Variants in SFRP2 observed in about 807,000 individuals in gnomAD.
SFRP2 encodes secreted frizzled related protein 2, also known as secreted frizzled-related protein 2.
Under a neutral mutation model 26.0 loss-of-function variants are expected in SFRP2, and 16 were observed. The observed-to-expected ratio is 0.61, with a 90% confidence interval of 0.42 to 0.93. The LOEUF (loss-of-function observed/expected upper bound fraction) is 0.93, where lower values mean the gene tolerates loss of function less well. Ranked by LOEUF, SFRP2 falls within the 40% of genes least tolerant of loss-of-function variation. The probability of loss-of-function intolerance (pLI) is 0.00; values close to 1 mark genes in which losing one functional copy is unlikely to be tolerated. For synonymous variants in SFRP2, 173 were observed against 167.3 expected, an observed-to-expected ratio of 1.03 and a Z score of -0.26; for missense variants, 343 against 392.4, an observed-to-expected ratio of 0.87 and a Z score of 1.06.
intron 2 of SFRP2, among the ~76,000 whole-genome samples, chr4:153,782,564 G>A (rs375874248): frequency 6.6e-6 from 1 of 152,154 alleles, no homozygotes; most frequent in East Asian, 1.9e-4. Context: ...CCCTACAAAC[G>A]TGTATGCTGG....
At chr4:153,786,853 G>A (rs11933560) in intron 1 of SFRP2, among the ~76,000 whole-genome samples, 148,873 of 151,090 alleles carry the variant, frequency 0.99, 73,370 homozygotes, top group Middle Eastern at 1. Flanking sequence ...TTTCTTGGGA[G>A]AAGTAAAAAA....
At chr4:153,784,016 C>T (rs1741161807) in intron 2 of SFRP2, among the ~76,000 whole-genome samples, 1 of 152,134 alleles carries the variant, frequency 6.6e-6, no homozygotes, top group Non-Finnish European at 1.5e-5. Context: ...TGTTTTGGCT[C>T]ATGTCTTGAT....
rs1448679818 is a variant in SFRP2, at chr4:153,788,485, G to C, written c.351C>G (p.Leu117=). The stretch of plus-strand genomic sequence containing the variant: ...CGCAGCGGTCCTTCACCTGCACGCA[G>C]AGCGAGTGGCATGGCTGGATGGTCT... ...LDETIQPCHS[L]CVQVKDRCAP... is the part of the protein sequence containing the mutation. Residue 117 remains leucine, a synonymous_variant, in exon 1 of 3, where the codon CTC becomes CTG. Transcript: ENST00000274063. 2 of 1,614,134 alleles carry C rather than the reference G, an allele frequency of 1.2e-6. No homozygotes were observed. Among genetic ancestry groups the C allele is most frequent in the African/African-American group, 2.7e-5 (2 of 74,954 alleles).
chr4:153,786,536 A>G (rs1025935681), intron 1 of SFRP2, among the ~76,000 whole-genome samples: 7 of 152,124 alleles, frequency 4.6e-5, no homozygotes, highest in Admixed American at 2.6e-4. Flanking sequence ...GGCTGTTTCC[A>G]CCTTGAAAAC....
rs1741119778 is a variant in SFRP2 at position 153,781,436 on chromosome 4, A to G, written c.*15T>C. On this transcript the variant is annotated 3_prime_UTR_variant, in exon 3 of 3. Transcript: ENST00000274063. ...GCTCTGGAGCAGGCCTGTCGGAGCC[A>G]TCAGGATGCCGGGACTAGCACTGCA... 6.2e-7 allele frequency: 1 copy of G among 1,605,582 alleles called. No individual in the cohort carries two copies. The highest frequency in any genetic ancestry group is 1.3e-5 in the African/African-American group (1 of 74,990).
At chr4:153,782,167 C>T (rs1294437096) in intron 2 of SFRP2, among the ~76,000 whole-genome samples, 2 of 152,152 alleles carry the variant, frequency 1.3e-5, no homozygotes, top group Non-Finnish European at 2.9e-5. Flanking sequence ...CCCTCTGTGG[C>T]CGTAAAGTTT....
chr4:153,788,664 T>C lies in SFRP2; in HGVS notation c.172A>G (p.Met58Val), dbSNP rs1480499370. ...TGGCCCAGCAGGTTGGGCAGCCGCA[T>C]GTTCTGGTATTCGATGCCGTGGCAC... ...QLCHGIEYQN[M>V]RLPNLLGHET... The change falls in exon 1 of 3, where the codon ATG becomes GTG. Residue 58 changes from methionine to valine, a missense_variant. Physicochemically the swap from Met to Val is conservative, Grantham distance 21. Transcript: ENST00000274063. 6.2e-7 allele frequency: 1 copy of C among 1,613,962 alleles called. No individual in the cohort carries two copies. The highest frequency in any genetic ancestry group is 8.5e-7 in the Non-Finnish European group (1 of 1,180,022).
Position 153,788,480 on chromosome 4 carries a change from A to G in SFRP2, c.356T>C (p.Val119Ala), listed in dbSNP as rs1405447492. 4 of 1,614,226 alleles carry G rather than the reference A, an allele frequency of 2.5e-6. No individual in the cohort carries two copies. The East Asian group carries it at 8.9e-5, about 36-fold the overall frequency. ...ETIQPCHSLC[V>A]QVKDRCAPVM... Reference sequence around the variant, plus strand: ...CGGGGCGCAGCGGTCCTTCACCTGCACGCAGAGCGAGTGGCATGGCTGGAT... The same window carrying G: ...CGGGGCGCAGCGGTCCTTCACCTGCGCGCAGAGCGAGTGGCATGGCTGGAT... Residue 119 changes from valine to alanine, a missense_variant, in exon 1 of 3, where the codon GTG becomes GCG. Val to Ala is a moderately conservative substitution (Grantham distance 64). Coordinates refer to ENST00000274063, the MANE Select transcript of SFRP2 (RefSeq NM_003013.3).
In SFRP2 at chr4:153,788,417, A is replaced by C. The variant is rs758949251; in HGVS notation, c.419T>G (p.Leu140Arg). 1.2e-6 allele frequency: 2 copies of C among 1,614,118 alleles called. No homozygotes were observed. Among genetic ancestry groups the C allele is most frequent in the South Asian group, 2.2e-5 (2 of 91,088 alleles). Reference sequence around the variant, plus strand: ...GTCCTGGGGGAAACGGTCGCACTCAAGCATGTCGGGCCAGGGGAAGCCGAA... The same window carrying C: ...GTCCTGGGGGAAACGGTCGCACTCACGCATGTCGGGCCAGGGGAAGCCGAA... ...SAFGFPWPDM[L>R]ECDRFPQDND... The change falls in exon 1 of 3, where the codon CTT becomes CGT. Residue 140 changes from leucine (L) to arginine (R), a missense_variant. Coordinates refer to ENST00000274063, the MANE Select transcript of SFRP2 (RefSeq NM_003013.3).
In SFRP2 at chr4:153,788,559, T is replaced by A; in HGVS notation, c.277A>T (p.Lys93Ter). The change falls in exon 1 of 3, where the codon AAG becomes TAG. Residue 93 changes from lysine (K) to a stop codon, truncating the protein, a stop_gained. Transcript: ENST00000274063. LOFTEE classifies it high-confidence loss of function. ...GGGGCGAAGAGCGAGCACAGGAACTTCTTGGTGTCCGGGTGGCACTGCTTC... is the reference window on the plus strand; with the variant it reads ...GGGGCGAAGAGCGAGCACAGGAACTACTTGGTGTCCGGGTGGCACTGCTTC... ...VMKQCHPDTK[K>*]FLCSLFAPVC... 6.2e-7 allele frequency: 1 copy of A among 1,614,058 alleles called. No individual in the cohort carries two copies. The highest frequency in any genetic ancestry group is 1.1e-5 in the South Asian group (1 of 91,076).
At position 153,780,946 on chromosome 4, in the gene SFRP2, A is replaced by G. The variant is rs1741108582; in HGVS notation, c.*505T>C. On this transcript the variant is annotated 3_prime_UTR_variant, in exon 3 of 3. Coordinates refer to ENST00000274063, the MANE Select transcript of SFRP2 (RefSeq NM_003013.3). The stretch of plus-strand genomic sequence containing the variant: ...AATGATGAATTGTTGTAAGACTTAG[A>G]CACTGAGTCTCAGTCTGGAGCTGAT... 6.4e-6 allele frequency: 1 copy of G among 157,410 alleles called. No homozygotes were observed. Among genetic ancestry groups the G allele is most frequent in the Non-Finnish European group, 1.4e-5 (1 of 71,054 alleles). The allele number at this position is 157,410 out of a possible 1,614,324, so 9.8% of individuals were successfully genotyped here.
intron 2 of SFRP2, among the ~76,000 whole-genome samples, chr4:153,782,933 T>C (rs1004837875): frequency 2.6e-5 from 4 of 152,192 alleles, no homozygotes; most frequent in Middle Eastern, 3.4e-3. Context: ...TTTAAATTAG[T>C]AATAGAGGAA....
At position 153,781,836 on chromosome 4, in the gene SFRP2, G is replaced by C. The variant is rs1741126803; in HGVS notation, c.584-81C>G. The C allele has an allele frequency of 2.4e-6, 3 of 1,271,266 alleles. No individual in the cohort carries two copies. In the South Asian group the frequency reaches 4.0e-5, roughly 17 times the overall value. 78.7% of individuals were successfully genotyped at this position (1,271,266 alleles called of 1,614,324 possible). A position where few individuals can be genotyped will look rare whatever the true frequency, so the allele number is the denominator to read the frequency against. On this transcript the variant is annotated intron_variant, in intron 2 of 2. Coordinates refer to ENST00000274063, the MANE Select transcript of SFRP2 (RefSeq NM_003013.3). The stretch of plus-strand genomic sequence containing the variant: ...CTCCCCCCATTCTGCCAACTCGTGT[G>C]ACTTGGCCTGGATGAGGAAAGAGAG...
rs763124627 is a variant in SFRP2 at position 153,788,885 on chromosome 4, C to T, written c.-50G>A. 2.3e-5 allele frequency: 35 copies of T among 1,491,628 alleles called. No homozygotes were observed. The highest frequency in any genetic ancestry group is 3.0e-5 in the Non-Finnish European group (34 of 1,125,656). The allele number at this position is 1,491,628 out of a possible 1,614,324, so 92.4% of individuals were successfully genotyped here. A position where few individuals can be genotyped will look rare whatever the true frequency, so the allele number is the denominator to read the frequency against. On this transcript the variant is annotated 5_prime_UTR_variant, in exon 1 of 3. Coordinates refer to ENST00000274063, the MANE Select transcript of SFRP2 (RefSeq NM_003013.3). ...CAGAGGGAGCGGAGCCGGGGAAGGG[C>T]GAGGCGGCCGGAGTTCGAGCTTGTC...
Position 153,781,717 on chromosome 4 carries a change from G to A in SFRP2, c.622C>T (p.Arg208Ter), listed in dbSNP as rs763381743. The A allele has an allele frequency of 6.2e-7, 1 of 1,614,056 alleles. No homozygotes were observed. Among genetic ancestry groups the A allele is most frequent in the African/African-American group, 1.3e-5 (1 of 75,002 alleles). The change falls in exon 3 of 3, where the codon CGA (arginine) becomes TGA (stop). Residue 208 changes from arginine to a stop codon, truncating the protein, a stop_gained. Coordinates refer to ENST00000274063, the MANE Select transcript of SFRP2 (RefSeq NM_003013.3). LOFTEE classifies it high-confidence loss of function. ...IKVKEITYIN[R>*]DTKIILETKS... ...GTCTCCAGGATGATTTTGGTATCTC[G>A]GTTGATGTAGGTTATCTCCTTCACT... is the stretch of plus-strand genomic sequence containing the variant.
chr4:153,786,282 C>A (rs994062779), intron 1 of SFRP2, among the ~76,000 whole-genome samples: 3 of 152,180 alleles, frequency 2.0e-5, no homozygotes, highest in Non-Finnish European at 2.9e-5. Flanking sequence ...TTCAGCTCAT[C>A]CTCCCAACCT....
At chr4:153,783,523 C>T (rs537514784) in intron 2 of SFRP2, among the ~76,000 whole-genome samples, 21 of 152,298 alleles carry the variant, frequency 1.4e-4, no homozygotes, top group Admixed American at 1.2e-3. Flanking sequence ...CCCCACATAA[C>T]CTTTCCTGTC....
chr4:153,781,728 G>A lies in SFRP2; in HGVS notation c.611C>T (p.Thr204Ile), dbSNP rs1741124753. 6.2e-7 allele frequency: 1 copy of A among 1,613,808 alleles called. No individual in the cohort carries two copies. Among genetic ancestry groups the A allele is most frequent in the African/African-American group, 1.3e-5 (1 of 74,882 alleles). ...GATTTTGGTATCTCGGTTGATGTAGGTTATCTCCTTCACTTTTATTTTCAG... is the reference window on the plus strand; with the variant it reads ...GATTTTGGTATCTCGGTTGATGTAGATTATCTCCTTCACTTTTATTTTCAG... Reference protein sequence around the residue: ...FALKIKVKEITYINRDTKIIL... With the variant: ...FALKIKVKEIIYINRDTKIIL... Residue 204 changes from threonine to isoleucine, a missense_variant, in exon 3 of 3, where the codon ACC becomes ATC. Physicochemically the swap from Thr to Ile is moderately conservative, Grantham distance 89. This residue lies in a region of SFRP2 where 92 missense variants were observed against 139.0 expected (regional missense o/e 0.66). Coordinates refer to ENST00000274063, the MANE Select transcript of SFRP2 (RefSeq NM_003013.3).
intron 1 of SFRP2, among the ~76,000 whole-genome samples, chr4:153,787,246 A>G (rs1741225469): frequency 6.6e-6 from 1 of 152,238 alleles, no homozygotes; most frequent in African/African-American, 2.4e-5. Context: ...TGGTTGGTCT[A>G]TGGTACATGT....
Sources: gnomAD v4.1 joint callset for allele counts (sites outside exome capture counted in the v4.1 genomes callset) on GRCh38, gnomAD v4.1.1 for gene constraint, gnomAD v4.1.1 regional missense constraint, MANE v1.5 for transcripts, NCBI Gene and HGNC (gene_info 2026-07-23, HGNC 2026-07-21) for gene names.